Variants in DYNC2H1 observed in about 807,000 individuals in gnomAD.
DYNC2H1 encodes cytoplasmic dynein 2 heavy chain 1.
A neutral mutation model predicts 570.0 loss-of-function variants in DYNC2H1; 410 were observed. That is an observed-to-expected ratio of 0.72 (90% CI 0.66 to 0.78). DYNC2H1 has a LOEUF of 0.78. Ranked by LOEUF, DYNC2H1 falls within the 30% of genes least tolerant of loss-of-function variation. DYNC2H1 has a pLI of 0.00. For synonymous variants in DYNC2H1, 1,688 were observed against 1,677.6 expected, an observed-to-expected ratio of 1.01 and a Z score of -0.15; for missense variants, 4,865 against 5,046.4, an observed-to-expected ratio of 0.96 and a Z score of 1.09.
rs574226546 is a variant in DYNC2H1 at position 103,170,633 on chromosome 11, A to G, written c.5152-253A>G. ...TTGTATGTAATTTGTATTTTGACTT[A>G]AAGAGTAACTAACACAAATCTTGTA... On this transcript the variant is annotated intron_variant, in intron 33 of 88. Transcript: ENST00000375735. This position sits in a 1 kb window ranked among gnomAD's most constrained non-coding sequence, Gnocchi z 4.8. Among the ~76,000 whole-genome samples, 2 of 152,336 alleles carry G rather than the reference A, an allele frequency of 1.3e-5. No homozygotes were observed. The highest frequency in any genetic ancestry group is 4.1e-4 in the South Asian group (2 of 4,828).
At chr11:103,117,207 A>G (rs117132014) in intron 5 of DYNC2H1, among the ~76,000 whole-genome samples, 6,897 of 145,970 alleles carry the variant, frequency 0.047, 215 homozygotes, top group Non-Finnish European at 0.064. Context: ...AGGAAATTGT[A>G]TATATATATA....
At chr11:103,197,324 A>T (rs1459226216) in intron 47 of DYNC2H1, among the ~76,000 whole-genome samples, 3 of 152,144 alleles carry the variant, frequency 2.0e-5, no homozygotes, top group African/African-American at 7.2e-5. Flanking sequence ...AGTGGGAGAA[A>T]GGTAGAAGGA....
In DYNC2H1 at chr11:103,220,668, G is replaced by A. The variant is rs374762677; in HGVS notation, c.8992G>A (p.Glu2998Lys). ...ACTAGCAGTTGGAAACATTAAGCCC[G>A]AATCACTTTCAGAAATTCGCTCACT... ...AKLAVGNIKP[E>K]SLSEIRSLRM... The change falls in exon 57 of 89, where the codon GAA becomes AAA. Residue 2998 changes from glutamate (E) to lysine (K), a missense_variant. Glu to Lys is a moderately conservative substitution (Grantham distance 56). This residue lies in a region of DYNC2H1 where 2,401 missense variants were observed against 2,454.6 expected (regional missense o/e 0.98). Coordinates refer to ENST00000375735, the MANE Select transcript of DYNC2H1 (RefSeq NM_001377.3). 28 of 1,611,986 alleles carry A rather than the reference G, an allele frequency of 1.7e-5. No individual in the cohort carries two copies. Among genetic ancestry groups the A allele is most frequent in the East Asian group, 4.5e-5 (2 of 44,796 alleles).
At chr11:103,115,993 A>G (rs1436447342) in intron 4 of DYNC2H1, among the ~76,000 whole-genome samples, 1 of 152,196 alleles carries the variant, frequency 6.6e-6, no homozygotes, top group Non-Finnish European at 1.5e-5. Context: ...TTATGTGTCT[A>G]CATTGAAATT....
rs369494408 is a variant in DYNC2H1 at position 103,425,355 on chromosome 11, G to A, written c.12367-10588G>A. On this transcript the variant is annotated intron_variant, in intron 84 of 88. Transcript: ENST00000375735. ...GAAATCTAAGATCGGGTGCCAGCATGGTTGGGTTCTGATGACGGCCGCCTT... is the reference window on the plus strand; with the variant it reads ...GAAATCTAAGATCGGGTGCCAGCATAGTTGGGTTCTGATGACGGCCGCCTT... Among the ~76,000 whole-genome samples, 58 of 152,260 alleles carry A rather than the reference G, an allele frequency of 3.8e-4. 1 individual carries two copies. Among genetic ancestry groups the A allele is most frequent in the African/African-American group, 1.4e-3 (57 of 41,550 alleles).
intron 70 of DYNC2H1, among the ~76,000 whole-genome samples, chr11:103,262,618 G>A (rs1355418001): frequency 6.6e-6 from 1 of 152,034 alleles, no homozygotes; most frequent in African/African-American, 2.4e-5. Context: ...ATAAGTGAAG[G>A]AGAAATAAAA....
At position 103,387,828 on chromosome 11, in the gene DYNC2H1, T is replaced by C. The variant is rs566282884; in HGVS notation, c.12157-11835T>C. ...AGATAGTTGTAGATATGTGGCATTA[T>C]TTCTGAGAGTTCTGTTCTGTTCCAT... is the stretch of plus-strand genomic sequence containing the variant. On this transcript the variant is annotated intron_variant, in intron 83 of 88. Coordinates refer to ENST00000375735, the MANE Select transcript of DYNC2H1 (RefSeq NM_001377.3). Among the ~76,000 whole-genome samples, 8 of 152,334 alleles carry C rather than the reference T, an allele frequency of 5.3e-5. No homozygotes were observed. The East Asian group carries it at 1.5e-3, about 29-fold the overall frequency.
Position 103,153,417 on chromosome 11 carries a change from G to A in DYNC2H1, c.3211G>A (p.Gly1071Ser). Residue 1071 changes from glycine (G) to serine (S), a missense_variant, in exon 22 of 89, where the codon GGC (glycine) becomes AGC (serine). By Grantham distance (56) the Gly-to-Ser change is moderately conservative. This residue lies in a region of DYNC2H1 where 1,936 missense variants were observed against 1,962.1 expected (regional missense o/e 0.99). Transcript: ENST00000375735. The part of the protein sequence containing the change: ...LKPGDDVIET[G>S]QHNTLDKSAK... The stretch of plus-strand genomic sequence containing the variant: ...GCCTGGTGATGATGTTATTGAAACT[G>A]GCCAACATAATACTCTTGATAAAAG... The A allele has an allele frequency of 3.2e-6, 5 of 1,563,406 alleles. No homozygotes were observed. Among genetic ancestry groups the A allele is most frequent in the Non-Finnish European group, 4.3e-6 (5 of 1,153,078 alleles).
At chr11:103,429,427 A>G (rs1175508819) in intron 84 of DYNC2H1, among the ~76,000 whole-genome samples, 1 of 150,438 alleles carries the variant, frequency 6.6e-6, no homozygotes, top group Non-Finnish European at 1.5e-5. Context: ...TAGTTTGCTC[A>G]TGTACCATTT....
chr11:103,471,527 G>A (rs956484656), intron 88 of DYNC2H1, among the ~76,000 whole-genome samples: 6 of 152,180 alleles, frequency 3.9e-5, no homozygotes, highest in African/African-American at 1.4e-4. Flanking sequence ...GGATCATGTT[G>A]AGGATTAAAT....
chr11:103,168,678 C>T (rs566556072), intron 31 of DYNC2H1, 77 bp from the exon 32 acceptor site: 3 of 1,397,898 alleles, frequency 2.1e-6, no homozygotes, highest in African/African-American at 1.4e-5. Context: ...GAGAAATCAC[C>T]TGTACACGTA....
intron 75 of DYNC2H1, among the ~76,000 whole-genome samples, chr11:103,292,901 T>C (rs1866671484): frequency 6.6e-6 from 1 of 152,242 alleles, no homozygotes; most frequent in African/African-American, 2.4e-5. Context: ...CTCTTGTCTT[T>C]TTAAATTAGC....
chr11:103,291,878 T>G (rs1228314800), intron 75 of DYNC2H1, among the ~76,000 whole-genome samples: 1 of 152,186 alleles, frequency 6.6e-6, no homozygotes, highest in Non-Finnish European at 1.5e-5. Flanking sequence ...CTACTTCTTC[T>G]CTTTTTTGGT....
chr11:103,191,554 A>G lies in DYNC2H1; in HGVS notation c.7475A>G (p.Tyr2492Cys), dbSNP rs1465419169. 4 of 1,609,610 alleles carry G rather than the reference A, an allele frequency of 2.5e-6. No individual in the cohort carries two copies. The highest frequency in any genetic ancestry group is 3.4e-6 in the Non-Finnish European group (4 of 1,177,916). ...TTTACAGTTGATGATTATAGTCACT[A>G]TTTCTTTACTCCTTGCATTCTTACC... ...AKFTVDDYSH[Y>C]FFTPCILTQW... The change falls in exon 46 of 89, where the codon TAT (tyrosine) becomes TGT (cysteine). Residue 2492 changes from tyrosine to cysteine, a missense_variant. Around this residue, in one of 5 missense-constraint regions of DYNC2H1, gnomAD observed 2,401 missense variants for 2,454.6 expected, o/e 0.98. Coordinates refer to ENST00000375735, the MANE Select transcript of DYNC2H1 (RefSeq NM_001377.3).
intron 30 of DYNC2H1, among the ~76,000 whole-genome samples, chr11:103,164,767 G>C (rs1861231339): frequency 6.6e-6 from 1 of 152,160 alleles, no homozygotes; most frequent in Non-Finnish European, 1.5e-5. Flanking sequence ...TGTCTTAACA[G>C]TAATGCGATT....
chr11:103,248,680 A>G (rs1864715422), intron 65 of DYNC2H1, among the ~76,000 whole-genome samples: 1 of 152,016 alleles, frequency 6.6e-6, no homozygotes, highest in Admixed American at 6.6e-5. Flanking sequence ...GTGTAAAAAT[A>G]TAGATTCCTT....
At position 103,365,994 on chromosome 11, in the gene DYNC2H1, A is replaced by T. The variant is rs532406688; in HGVS notation, c.12156+7635A>T. Among the ~76,000 whole-genome samples the T allele has an allele frequency of 1.4e-4, 21 of 152,374 alleles. No individual in the cohort carries two copies. The South Asian group carries it at 4.3e-3, about 32-fold the overall frequency. ...TGAATTTATATCTTAAGAGAGAAAA[A>T]TATTTAAAATTGTATAGGCATTAAA... On this transcript the variant is annotated intron_variant, in intron 83 of 88. Transcript: ENST00000375735.
At chr11:103,459,136 C>A (rs1054526509) in intron 87 of DYNC2H1, among the ~76,000 whole-genome samples, 3 of 150,106 alleles carry the variant, frequency 2.0e-5, no homozygotes, top group Non-Finnish European at 4.4e-5. Flanking sequence ...GGTGAAACCC[C>A]GTCTCTACTA....
chr11:103,350,757 A>G (rs924451486), intron 82 of DYNC2H1, among the ~76,000 whole-genome samples: 6 of 151,984 alleles, frequency 3.9e-5, no homozygotes, highest in African/African-American at 1.2e-4. Context: ...TTTCCTTTGT[A>G]CATGTGCACA....
Sources: allele counts gnomAD v4.1 joint callset (sites outside exome capture counted in the v4.1 genomes callset), GRCh38; gene constraint gnomAD v4.1.1; regional missense constraint gnomAD v4.1.1; non-coding constraint Gnocchi (gnomAD v3.1); transcripts MANE v1.5; gene names NCBI Gene and HGNC (gene_info 2026-07-23, HGNC 2026-07-21).